Variants in SSH2 observed in about 807,000 individuals in gnomAD.
The protein encoded by SSH2 is protein phosphatase Slingshot homolog 2.
A neutral mutation model predicts 135.2 loss-of-function variants in SSH2; 37 were observed. That is an observed-to-expected ratio of 0.27 (90% CI 0.21 to 0.36). The LOEUF (loss-of-function observed/expected upper bound fraction) is 0.36, where lower values mean the gene tolerates loss of function less well. Among genes scored for constraint, SSH2 ranks in the 10% least tolerant of loss-of-function variants. SSH2 has a pLI of 1.00. For missense variants in SSH2, 1,408 were observed against 1,765.3 expected, an observed-to-expected ratio of 0.80 and a Z score of 3.63; for synonymous variants, 628 against 646.2, an observed-to-expected ratio of 0.97 and a Z score of 0.43.
At chr17:29,926,491 T>A (rs2067067946) in intron 1 of SSH2, among the ~76,000 whole-genome samples, 1 of 151,376 alleles carries the variant, frequency 6.6e-6, no homozygotes, top group African/African-American at 2.4e-5. Context: ...GAGGTGGAGG[T>A]TGCAGTGAGC....
chr17:29,784,015 G>A (rs2041900759), intron 3 of SSH2, among the ~76,000 whole-genome samples: 2 of 109,186 alleles, frequency 1.8e-5, no homozygotes, highest in South Asian at 3.5e-4. Flanking sequence ...GCAGTGAGCC[G>A]AGATCCCGCC....
chr17:29,892,194 CAGCATTT>C (rs1245455510), intron 1 of SSH2, among the ~76,000 whole-genome samples: 1 of 152,046 alleles, frequency 6.6e-6, no homozygotes, highest in African/African-American at 2.4e-5. Context: ...ACATGTGCCA[CAGCATTT>C]GGCTAATAGC....
chr17:29,665,921 G>A (rs1471747971), intron 11 of SSH2, among the ~76,000 whole-genome samples: 3 of 152,166 alleles, frequency 2.0e-5, no homozygotes, highest in African/African-American at 7.2e-5. Flanking sequence ...TAGCTACAAG[G>A]TTTCATATGT....
intron 12 of SSH2, among the ~76,000 whole-genome samples, chr17:29,654,037 G>A (rs1334987307): frequency 6.6e-6 from 1 of 152,132 alleles, no homozygotes; most frequent in Admixed American, 6.6e-5. Context: ...TGCTTCAGGG[G>A]CATTTCCAAA....
intron 2 of SSH2, among the ~76,000 whole-genome samples, chr17:29,803,627 G>T (rs774646958): frequency 6.6e-6 from 1 of 152,106 alleles, no homozygotes; most frequent in African/African-American, 2.4e-5. Flanking sequence ...GATTCCCTTC[G>T]CACAATAGCA....
intron 3 of SSH2, among the ~76,000 whole-genome samples, chr17:29,779,460 C>T (rs1209508197): frequency 2.0e-5 from 3 of 152,100 alleles, no homozygotes; most frequent in Non-Finnish European, 2.9e-5. Context: ...CATTTATAAA[C>T]GGCAGATAGT....
chr17:29,846,196 G>A (rs1055184778), intron 2 of SSH2, among the ~76,000 whole-genome samples: 4 of 151,952 alleles, frequency 2.6e-5, no homozygotes, highest in African/African-American at 7.3e-5. Flanking sequence ...GCACCACCAC[G>A]CCAGACTTTT....
intron 14 of SSH2, among the ~76,000 whole-genome samples, chr17:29,640,319 G>A (rs149539429): frequency 4.6e-4 from 70 of 151,698 alleles, no homozygotes; most frequent in Middle Eastern, 3.4e-3. Flanking sequence ...CTCGTGATCC[G>A]CTTGCCTCAG....
chr17:29,851,078 A>G (rs557434808), intron 1 of SSH2, among the ~76,000 whole-genome samples: 49 of 152,268 alleles, frequency 3.2e-4, no homozygotes, highest in African/African-American at 1.2e-3. Flanking sequence ...GAGGGGGGAG[A>G]ATAAGAACAT....
intron 4 of SSH2, 152 bp downstream of exon 4, chr17:29,702,807 G>T: frequency 1.6e-6 from 1 of 608,810 alleles, no homozygotes; most frequent in Non-Finnish European, 2.9e-6. Flanking sequence ...AAAAAAATTG[G>T]TCTGTGAGGG....
At chr17:29,687,569 C>T (rs1025025648) in intron 5 of SSH2, among the ~76,000 whole-genome samples, 1 of 152,184 alleles carries the variant, frequency 6.6e-6, no homozygotes, top group Admixed American at 6.5e-5. Context: ...AGTAAATGTA[C>T]ATGTGGCAGA....
At chr17:29,877,497 A>T (rs1434925736) in intron 1 of SSH2, among the ~76,000 whole-genome samples, 2 of 152,232 alleles carry the variant, frequency 1.3e-5, no homozygotes, top group Non-Finnish European at 2.9e-5. Context: ...AGATGAATGG[A>T]TAAAGAAAAT....
intron 1 of SSH2, among the ~76,000 whole-genome samples, chr17:29,850,394 T>C (rs1237728359): frequency 1.3e-5 from 2 of 152,224 alleles, no homozygotes; most frequent in Non-Finnish European, 2.9e-5. Context: ...CTGAAACTTA[T>C]AACTACTTCA....
At chr17:29,768,903 T>G (rs1047705839) in intron 3 of SSH2, among the ~76,000 whole-genome samples, 2 of 152,084 alleles carry the variant, frequency 1.3e-5, no homozygotes, top group African/African-American at 2.4e-5. Flanking sequence ...ACATTCAGTG[T>G]GTGTCAGGTG....
At chr17:29,725,204 G>A (rs1034297647) in intron 3 of SSH2, among the ~76,000 whole-genome samples, 8 of 151,366 alleles carry the variant, frequency 5.3e-5, no homozygotes, top group Non-Finnish European at 8.8e-5. Context: ...AAAATTAGCC[G>A]GGCATGGTGG....
At chr17:29,760,315 A>T (rs1209481687) in intron 3 of SSH2, among the ~76,000 whole-genome samples, 1 of 152,226 alleles carries the variant, frequency 6.6e-6, no homozygotes, top group Non-Finnish European at 1.5e-5. Context: ...CTCTGAAGCC[A>T]CTTGGAATGA....
intron 14 of SSH2, among the ~76,000 whole-genome samples, chr17:29,638,561 C>CACAG (rs2036017066): frequency 7.5e-6 from 1 of 132,978 alleles, no homozygotes. Context: ...CACACACACA[C>CACAG]AGAGACAGGG....
chr17:29,703,029 A>G lies in SSH2; in HGVS notation c.222T>C (p.Ala74=), dbSNP rs777479771. 5 of 1,613,980 alleles carry G rather than the reference A, an allele frequency of 3.1e-6. No individual in the cohort carries two copies. ...ISESFLTVKG[A]ALFLPRGNGS... ...CATTTCCCCGTGGTAGAAAAAGGGCAGCACCTTTGACAGTTAGAAAGCTCT... is the reference window on the plus strand; with the variant it reads ...CATTTCCCCGTGGTAGAAAAAGGGCGGCACCTTTGACAGTTAGAAAGCTCT... Residue 74 remains alanine, a synonymous_variant, in exon 4 of 16, where the codon GCT becomes GCC. Coordinates refer to ENST00000540801, the MANE Select transcript of SSH2 (RefSeq NM_001282129.2).
intron 3 of SSH2, 157 bp downstream of exon 3, chr17:29,793,737 C>T (rs2042112213): frequency 1.7e-6 from 1 of 581,796 alleles, no homozygotes; most frequent in Non-Finnish European, 3.0e-6. Context: ...AATACCATGC[C>T]CAGGTGCAAT....
Sources: gnomAD v4.1 joint callset for allele counts (sites outside exome capture counted in the v4.1 genomes callset) on GRCh38, gnomAD v4.1.1 for gene constraint, MANE v1.5 for transcripts, NCBI Gene and HGNC (gene_info 2026-07-23, HGNC 2026-07-21) for gene names.